The following USP37 variants were observed in gnomAD, a reference collection of about 807,000 sequenced individuals.
USP37 encodes the protein ubiquitin specific peptidase 37, also known as ubiquitin carboxyl-terminal hydrolase 37.
A neutral mutation model predicts 124.0 loss-of-function variants in USP37; 27 were observed. That is an observed-to-expected ratio of 0.22 (90% CI 0.16 to 0.30). USP37 has a LOEUF of 0.30. USP37 is among the 10% of genes least tolerant of loss of function. The pLI is 1.00. For synonymous variants in USP37, 365 were observed against 388.0 expected, an observed-to-expected ratio of 0.94 and a Z score of 0.70; for missense variants, 889 against 1,140.4, an observed-to-expected ratio of 0.78 and a Z score of 3.17.
chr2:218,532,825 G>A (rs1238827812), intron 9 of USP37, among the ~76,000 whole-genome samples: 1 of 151,888 alleles, frequency 6.6e-6, no homozygotes, highest in East Asian at 1.9e-4. Flanking sequence ...AGCTACTTGG[G>A]AGGCTGAGGT....
At chr2:218,481,941 A>T in intron 17 of USP37, 129 bp downstream of exon 17, 1 of 1,112,488 alleles carries the variant, frequency 9.0e-7, no homozygotes, top group Non-Finnish European at 1.2e-6. Context: ...GGCATGAGCC[A>T]CTGCATCTGG....
At chr2:218,500,784 G>A (rs1277491494) in intron 11 of USP37, 1 of 148,284 alleles carries the variant, frequency 6.7e-6, no homozygotes, top group African/African-American at 2.5e-5. Flanking sequence ...ACCATGTCAT[G>A]CCTTTTTTTT....
intron 14 of USP37, among the ~76,000 whole-genome samples, chr2:218,493,647 T>C (rs151081432): frequency 9.7e-4 from 147 of 152,288 alleles, no homozygotes; most frequent in African/African-American, 3.4e-3. Flanking sequence ...ATTTTTGTAT[T>C]TTTAATGAAG....
At chr2:218,534,035 C>G (rs1267057298) in intron 9 of USP37, among the ~76,000 whole-genome samples, 1 of 152,150 alleles carries the variant, frequency 6.6e-6, no homozygotes, top group Non-Finnish European at 1.5e-5. Context: ...TTCTATGGTC[C>G]TGGTACTTTG....
intron 22 of USP37, among the ~76,000 whole-genome samples, chr2:218,460,334 A>G (rs1022980760): frequency 6.6e-6 from 1 of 152,100 alleles, no homozygotes; most frequent in African/African-American, 2.4e-5. Flanking sequence ...TACACATTTT[A>G]TCATTCTAAG....
intron 23 of USP37, among the ~76,000 whole-genome samples, chr2:218,459,036 A>C (rs1412921760): frequency 1.3e-5 from 2 of 151,392 alleles, no homozygotes; most frequent in East Asian, 3.9e-4. Context: ...TGGATAATCA[A>C]AATTTGAGGA....
At chr2:218,541,243 C>A (rs1691955103) in intron 8 of USP37, among the ~76,000 whole-genome samples, 1 of 152,086 alleles carries the variant, frequency 6.6e-6, no homozygotes, top group African/African-American at 2.4e-5. Flanking sequence ...AACAATTAAA[C>A]CTGAAGTTAT....
intron 19 of USP37, among the ~76,000 whole-genome samples, chr2:218,475,864 T>C (rs957456755): frequency 2.6e-5 from 4 of 151,936 alleles, no homozygotes; most frequent in Admixed American, 2.0e-4. Context: ...GGATAGAGAC[T>C]GCAGTGAGCC....
intron 5 of USP37, among the ~76,000 whole-genome samples, chr2:218,551,874 C>T (rs930648507): frequency 6.6e-6 from 1 of 151,900 alleles, no homozygotes; most frequent in African/African-American, 2.4e-5. Context: ...CTCACTGTAA[C>T]CTCTGCCTCC....
intron 21 of USP37, among the ~76,000 whole-genome samples, chr2:218,465,494 G>A (rs1188541859): frequency 6.6e-6 from 1 of 152,176 alleles, no homozygotes; most frequent in African/African-American, 2.4e-5. Context: ...ACCCCATCCT[G>A]TTTTAGCAAG....
intron 8 of USP37, among the ~76,000 whole-genome samples, chr2:218,543,515 A>C (rs1165240459): frequency 2.7e-5 from 4 of 147,936 alleles, no homozygotes; most frequent in Non-Finnish European, 4.5e-5. Context: ...AAAAAAAAAA[A>C]AAAAAAAAAA....
chr2:218,512,281 C>T (rs564685374), intron 10 of USP37, among the ~76,000 whole-genome samples: 16 of 152,204 alleles, frequency 1.1e-4, no homozygotes, highest in Non-Finnish European at 1.6e-4. Flanking sequence ...CCAACGGAGG[C>T]GCATCACCTG....
chr2:218,468,605 T>C (rs1451837989), intron 20 of USP37, among the ~76,000 whole-genome samples: 1 of 152,210 alleles, frequency 6.6e-6, no homozygotes, highest in Non-Finnish European at 1.5e-5. Flanking sequence ...AGTATTTAAC[T>C]GGCTAACGAG....
At chr2:218,542,971 G>A (rs1310894332) in intron 8 of USP37, among the ~76,000 whole-genome samples, 1 of 152,138 alleles carries the variant, frequency 6.6e-6, no homozygotes, top group East Asian at 1.9e-4. Flanking sequence ...TACGAATACC[G>A]ATATTACAGA....
At chr2:218,491,318 G>C (rs1161236608) in intron 14 of USP37, among the ~76,000 whole-genome samples, 1 of 152,188 alleles carries the variant, frequency 6.6e-6, no homozygotes, top group Admixed American at 6.5e-5. Context: ...GGATCTATAG[G>C]CAGCCTTTAG....
At position 218,454,194 on chromosome 2, in the gene USP37, A is replaced by G. The variant is rs898621817; in HGVS notation, c.*736T>C. 2.0e-5 allele frequency: 3 copies of G among 152,662 alleles called. No homozygotes were observed. Among genetic ancestry groups the G allele is most frequent in the African/African-American group, 7.2e-5 (3 of 41,460 alleles). The allele number at this position is 152,662 out of a possible 1,614,324, so 9.5% of individuals were successfully genotyped here. ...AAAACAAAGTATATAAGAAATATCAAATGTGGGACTGTAACATATTCCAAA... is the reference window on the plus strand; with the variant it reads ...AAAACAAAGTATATAAGAAATATCAGATGTGGGACTGTAACATATTCCAAA... On this transcript the variant is annotated 3_prime_UTR_variant, in exon 26 of 26. Transcript: ENST00000258399.
intron 11 of USP37, among the ~76,000 whole-genome samples, chr2:218,499,541 C>T (rs1052311440): frequency 5.3e-5 from 8 of 152,152 alleles, no homozygotes; most frequent in Admixed American, 3.3e-4. Context: ...TTATCAGCAT[C>T]AGTAAATGTA....
intron 4 of USP37, among the ~76,000 whole-genome samples, chr2:218,557,927 T>C (rs1461719849): frequency 3.4e-3 from 21 of 6,264 alleles, no homozygotes; most frequent in African/African-American, 8.0e-3. Flanking sequence ...GAAGACTCTG[T>C]CTCAAAAAAA....
At chr2:218,541,343 T>A (rs1351666766) in intron 8 of USP37, among the ~76,000 whole-genome samples, 1 of 152,134 alleles carries the variant, frequency 6.6e-6, no homozygotes, top group Non-Finnish European at 1.5e-5. Flanking sequence ...AAATGACTAT[T>A]GTAAGGAAGA....
Sources: gnomAD v4.1 joint callset for allele counts (sites outside exome capture counted in the v4.1 genomes callset) on GRCh38, gnomAD v4.1.1 for gene constraint, MANE v1.5 for transcripts, NCBI Gene and HGNC (gene_info 2026-07-23, HGNC 2026-07-21) for gene names.